The following DNM3 variants were observed in gnomAD, a reference collection of about 807,000 sequenced individuals.
The protein encoded by DNM3 is dynamin-3.
In DNM3, 47 loss-of-function variants were observed where a neutral mutation model predicts 101.6. The observed-to-expected ratio is 0.46, with a 90% CI of 0.37 to 0.59. The LOEUF is 0.59. Ranked by LOEUF, DNM3 falls within the 20% of genes least tolerant of loss-of-function variation. The probability of loss-of-function intolerance (pLI) is 0.00; values close to 1 mark genes in which losing one functional copy is unlikely to be tolerated. For missense variants in DNM3, 849 were observed against 1,085.7 expected (o/e 0.78, Z 3.06); for synonymous variants, 385 against 387.9 (o/e 0.99, Z 0.09).
intron 15 of DNM3, among the ~76,000 whole-genome samples, chr1:172,306,929 A>G (rs1041890295): frequency 6.6e-6 from 1 of 152,246 alleles, no homozygotes; most frequent in African/African-American, 2.4e-5. Context: ...AAACCCTAGA[A>G]GAAAACCTAG....
chr1:172,267,983 A>G (rs2062934959), intron 15 of DNM3, among the ~76,000 whole-genome samples: 1 of 152,202 alleles, frequency 6.6e-6, no homozygotes, highest in Non-Finnish European at 1.5e-5. Flanking sequence ...AAGTGCTGGG[A>G]TTACAGGTAT....
chr1:171,891,347 T>TA (rs11367825), intron 1 of DNM3, among the ~76,000 whole-genome samples: 7,592 of 144,674 alleles, frequency 0.052, 632 homozygotes, highest in African/African-American at 0.17. Context: ...GGGCAAGTGC[T>TA]AAAAAAAAAA....
At chr1:172,032,302 G>T in intron 4 of DNM3, 100 bp from the exon 5 acceptor site, 2 of 870,300 alleles carry the variant, frequency 2.3e-6, no homozygotes, top group Non-Finnish European at 3.8e-6. Flanking sequence ...ATGGGAAAAG[G>T]ACCAGGAAAA....
chr1:172,122,144 T>C (rs2056361052), intron 13 of DNM3, among the ~76,000 whole-genome samples: 1 of 152,146 alleles, frequency 6.6e-6, no homozygotes, highest in African/African-American at 2.4e-5. Flanking sequence ...ATGAGTATTA[T>C]AGGAAAATAG....
Position 171,943,679 on chromosome 1 carries a change from A to T in DNM3, c.235+21858A>T, listed in dbSNP as rs1237906511. On this transcript the variant is annotated intron_variant, in intron 2 of 20. Transcript: ENST00000627582. ...TCTGGACCAAACCAATCTATATCTG[A>T]TATGTATTAACTGATGTCTTATGTC... 3.3e-5 allele frequency among the ~76,000 whole-genome samples: 5 copies of T among 152,100 alleles called. No individual in the cohort carries two copies. In the East Asian group the frequency reaches 9.6e-4, roughly 29 times the overall value.
At chr1:172,300,662 T>C (rs762834425) in intron 15 of DNM3, among the ~76,000 whole-genome samples, 4 of 152,084 alleles carry the variant, frequency 2.6e-5, no homozygotes, top group Non-Finnish European at 4.4e-5. Context: ...AAAAATTAAC[T>C]CAAGATGGAT....
intron 10 of DNM3, among the ~76,000 whole-genome samples, chr1:172,050,381 C>A (rs780393002): frequency 2.0e-5 from 3 of 152,174 alleles, no homozygotes; most frequent in African/African-American, 4.8e-5. Flanking sequence ...CACCAATTAT[C>A]CTGTCTTCTT....
intron 6 of DNM3, among the ~76,000 whole-genome samples, chr1:172,033,610 A>C (rs1321887652): frequency 6.6e-6 from 1 of 152,102 alleles, no homozygotes; most frequent in Admixed American, 6.6e-5. Context: ...ATCTCTTGGG[A>C]TCTGTTTTTG....
At chr1:171,966,693 G>C (rs1036398735) in intron 2 of DNM3, among the ~76,000 whole-genome samples, 1 of 152,176 alleles carries the variant, frequency 6.6e-6, no homozygotes, top group African/African-American at 2.4e-5. Context: ...TACAAGAGGA[G>C]CCAAGTGCAT....
chr1:171,883,286 G>C (rs2036448156), intron 1 of DNM3, among the ~76,000 whole-genome samples: 1 of 150,796 alleles, frequency 6.6e-6, no homozygotes, highest in East Asian at 2.0e-4. Context: ...TGAGGTGGAA[G>C]GATCATTTAA....
At chr1:172,034,980 A>G (rs1335604057) in intron 6 of DNM3, among the ~76,000 whole-genome samples, 1 of 152,136 alleles carries the variant, frequency 6.6e-6, no homozygotes. Context: ...CGTGAGTGAA[A>G]AAAGAATGTG....
intron 14 of DNM3, among the ~76,000 whole-genome samples, chr1:172,224,491 T>G (rs2061028477): frequency 6.6e-6 from 1 of 152,094 alleles, no homozygotes; most frequent in Non-Finnish European, 1.5e-5. Flanking sequence ...CTGAAATTAA[T>G]GTTTTGATGA....
At chr1:171,950,084 A>T (rs1262506614) in intron 2 of DNM3, among the ~76,000 whole-genome samples, 1 of 151,902 alleles carries the variant, frequency 6.6e-6, no homozygotes, top group Non-Finnish European at 1.5e-5. Context: ...ATAAAAAGGA[A>T]TTATGTGCTC....
At chr1:172,246,243 C>T (rs2061949057) in intron 14 of DNM3, among the ~76,000 whole-genome samples, 1 of 152,222 alleles carries the variant, frequency 6.6e-6, no homozygotes, top group African/African-American at 2.4e-5. Flanking sequence ...TATCAACGGG[C>T]ATTCCAGGGG....
chr1:172,380,112 G>T (rs977250106), intron 18 of DNM3, among the ~76,000 whole-genome samples: 10 of 151,950 alleles, frequency 6.6e-5, no homozygotes, highest in African/African-American at 1.7e-4. Context: ...AGAAATCTGG[G>T]TTCTAAATCT....
At position 172,253,555 on chromosome 1, in the gene DNM3, T is replaced by C; in HGVS notation, c.1660-18T>C. On this transcript the variant is annotated intron_variant, in intron 14 of 20. Coordinates refer to ENST00000627582, the MANE Select transcript of DNM3 (RefSeq NM_015569.5). ...CTCTCCTCTCCTCTCCCTCTTTTCT[T>C]TCTCTCTCTTATAATAGGAAAAAGA... 2.7e-6 allele frequency: 4 copies of C among 1,506,888 alleles called. No individual in the cohort carries two copies. The highest frequency in any genetic ancestry group is 1.8e-6 in the Non-Finnish European group (2 of 1,112,800). The allele number at this position is 1,506,888 out of a possible 1,614,324, so 93.3% of individuals were successfully genotyped here. A position where few individuals can be genotyped will look rare whatever the true frequency, so the allele number is the denominator to read the frequency against.
intron 14 of DNM3, among the ~76,000 whole-genome samples, chr1:172,241,408 T>G (rs1195745621): frequency 9.9e-5 from 15 of 152,082 alleles, no homozygotes; most frequent in Admixed American, 9.8e-4. Context: ...TATTGCAGGG[T>G]AATGCCATTG....
At chr1:171,966,180 C>T (rs959742761) in intron 2 of DNM3, among the ~76,000 whole-genome samples, 34 of 152,210 alleles carry the variant, frequency 2.2e-4, no homozygotes, top group African/African-American at 7.7e-4. Flanking sequence ...TCTTTTCCCA[C>T]GTGGCCCACA....
chr1:171,864,078 A>C (rs574301565), intron 1 of DNM3: 1 of 152,336 alleles, frequency 6.6e-6, no homozygotes, highest in African/African-American at 2.4e-5. Flanking sequence ...CAGAGTCTAA[A>C]AAGTGGGTTT....
Sources: allele counts gnomAD v4.1 joint callset (sites outside exome capture counted in the v4.1 genomes callset), GRCh38; gene constraint gnomAD v4.1.1; transcripts MANE v1.5; gene names NCBI Gene and HGNC (gene_info 2026-07-23, HGNC 2026-07-21).